Variants in ANKRD30B observed in about 807,000 individuals in gnomAD.
The protein encoded by ANKRD30B is ankyrin repeat domain-containing protein 30B.
Under a neutral mutation model 202.2 loss-of-function variants are expected in ANKRD30B, and 144 were observed. The observed-to-expected ratio is 0.71, with a 90% CI of 0.62 to 0.82. The LOEUF (loss-of-function observed/expected upper bound fraction) is 0.82. Among genes scored for constraint, ANKRD30B ranks in the 40% least tolerant of loss-of-function variants. ANKRD30B has a pLI of 0.00. For synonymous variants in ANKRD30B, 508 were observed against 561.3 expected (o/e 0.91, Z 1.34); for missense variants, 1,487 against 1,669.1 (o/e 0.89, Z 1.90).
intron 4 of ANKRD30B, among the ~76,000 whole-genome samples, chr18:14,755,860 A>T (rs1242006608): frequency 6.6e-6 from 1 of 152,156 alleles, no homozygotes; most frequent in Non-Finnish European, 1.5e-5. Context: ...GCCACAATAA[A>T]CATACGTGTG....
Position 14,850,255 on chromosome 18 carries a change from A to T in ANKRD30B, c.3437A>T (p.Asp1146Val). 6.3e-7 allele frequency: 1 copy of T among 1,587,392 alleles called. No homozygotes were observed. Among genetic ancestry groups the T allele is most frequent in the South Asian group, 1.2e-5 (1 of 85,996 alleles). Residue 1146 changes from aspartate (D) to valine (V), a missense_variant, in exon 41 of 44, where the codon GAT becomes GTT. Transcript: ENST00000690538. ...GAAGAAGAGAAGAGAAGAAATGTCG[A>T]TATATTAAAAGAAAAAATTAGACCC... ...NQEEEKRRNV[D>V]ILKEKIRPEE...
At chr18:14,784,436 GATC>G (rs750001724) in intron 13 of ANKRD30B, 24 bp from the exon 14 acceptor site, 1 of 1,612,556 alleles carries the variant, frequency 6.2e-7, no homozygotes, top group Non-Finnish European at 8.5e-7. Context: ...ATTCTTTATT[GATC>G]ATTTTTCTTC....
chr18:14,930,161 G>T, the ANKRD30B span, among the ~76,000 whole-genome samples: 4 of 152,186 alleles, frequency 2.6e-5, no homozygotes, highest in African/African-American at 9.6e-5. Flanking sequence ...ACACTGGCTC[G>T]CCAGGTGGGT....
At chr18:14,818,212 A>G (rs1422893994) in intron 30 of ANKRD30B, among the ~76,000 whole-genome samples, 3 of 152,200 alleles carry the variant, frequency 2.0e-5, no homozygotes, top group African/African-American at 4.8e-5. Context: ...CTCGCATTGT[A>G]TAACAAACAG....
chr18:14,756,484 C>G (rs889800881), intron 4 of ANKRD30B, among the ~76,000 whole-genome samples: 2 of 152,174 alleles, frequency 1.3e-5, no homozygotes, highest in African/African-American at 2.4e-5. Context: ...TTGCCCATGC[C>G]TATGTCCTGA....
the ANKRD30B span, among the ~76,000 whole-genome samples, chr18:14,863,517 C>A: frequency 6.6e-6 from 1 of 152,034 alleles, no homozygotes; most frequent in African/African-American, 2.4e-5. Flanking sequence ...CATGCTTCTA[C>A]TGCCTGCACA....
At chr18:14,842,607 T>A (rs544588923) in intron 37 of ANKRD30B, among the ~76,000 whole-genome samples, 21 of 152,396 alleles carry the variant, frequency 1.4e-4, no homozygotes, top group African/African-American at 4.8e-4. Flanking sequence ...ATCATTTCTC[T>A]TTTCATCACT....
the ANKRD30B span, among the ~76,000 whole-genome samples, chr18:14,866,360 C>A: frequency 6.6e-6 from 1 of 151,968 alleles, no homozygotes; most frequent in Non-Finnish European, 1.5e-5. Context: ...GGAGGGTGGC[C>A]TGAGTGGTAG....
chr18:14,815,657 G>A (rs1437221477), intron 30 of ANKRD30B, among the ~76,000 whole-genome samples: 1 of 152,234 alleles, frequency 6.6e-6, no homozygotes, highest in East Asian at 1.9e-4. Flanking sequence ...GAAGAAGAAA[G>A]AAAATTCTGA....
the ANKRD30B span, among the ~76,000 whole-genome samples, chr18:14,874,594 CA>C: frequency 0.015 from 2,240 of 146,468 alleles, 61 homozygotes; most frequent in African/African-American, 0.053. Flanking sequence ...ATTTTGAAGC[CA>C]AAAAAAAAAG....
intron 30 of ANKRD30B, among the ~76,000 whole-genome samples, chr18:14,817,594 C>T (rs1970183571): frequency 6.6e-6 from 1 of 152,154 alleles, no homozygotes; most frequent in Admixed American, 6.6e-5. Flanking sequence ...AAGGTCAAAG[C>T]CAGCTATTTT....
intron 16 of ANKRD30B, among the ~76,000 whole-genome samples, chr18:14,795,924 A>C (rs1295444204): frequency 1.3e-5 from 2 of 151,616 alleles, no homozygotes; most frequent in East Asian, 3.9e-4. Flanking sequence ...CCTATACGGC[A>C]GATTAATCTT....
chr18:14,892,147 A>T, the ANKRD30B span, among the ~76,000 whole-genome samples: 1 of 152,204 alleles, frequency 6.6e-6, no homozygotes, highest in Non-Finnish European at 1.5e-5. Flanking sequence ...TACTCCTGCC[A>T]TTCCTCCCTT....
the ANKRD30B span, among the ~76,000 whole-genome samples, chr18:14,908,715 G>C: frequency 7.7e-3 from 1,178 of 152,312 alleles, 12 homozygotes; most frequent in African/African-American, 0.027. Context: ...GATGCTGCCT[G>C]GCTGAGTGAC....
intron 15 of ANKRD30B, among the ~76,000 whole-genome samples, chr18:14,787,534 C>T (rs1007150163): frequency 1.3e-5 from 2 of 152,068 alleles, no homozygotes; most frequent in Non-Finnish European, 2.9e-5. Context: ...AAGTTAGTGC[C>T]TGGGACTTGA....
In ANKRD30B at chr18:14,794,550, C is replaced by A. The variant is rs566064305; in HGVS notation, c.1826-1671C>A. Reference sequence around the variant, plus strand: ...AGCAGATGAATTAATGGTATCATTTCCTATATATGAATTTCTGAGGTTTCT... The same window carrying A: ...AGCAGATGAATTAATGGTATCATTTACTATATATGAATTTCTGAGGTTTCT... On this transcript the variant is annotated intron_variant, in intron 16 of 43. Transcript: ENST00000690538. Among the ~76,000 whole-genome samples the A allele has an allele frequency of 2.6e-5, 4 of 152,170 alleles. 1 individual carries two copies. Among genetic ancestry groups the A allele is most frequent in the Admixed American group, 6.5e-5 (1 of 15,294 alleles).
At chr18:14,870,313 G>T in the ANKRD30B span, among the ~76,000 whole-genome samples, 1 of 152,216 alleles carries the variant, frequency 6.6e-6, no homozygotes, top group Non-Finnish European at 1.5e-5. Flanking sequence ...TGCCTCAAAT[G>T]GGTGGTGACG....
intron 34 of ANKRD30B, 109 bp downstream of exon 34, chr18:14,831,564 A>G (rs1331516859): frequency 1.5e-5 from 8 of 543,468 alleles, no homozygotes; most frequent in African/African-American, 2.0e-5. Flanking sequence ...CATGTTGGTA[A>G]TATAAAGTTG....
Position 14,791,479 on chromosome 18 carries a change from G to T in ANKRD30B, c.1813G>T (p.Gly605Ter), listed in dbSNP as rs879061658. ...TCAAAAAGAATTCGATACCTTAAGT[G>T]GAAAATTAGAAGGTAAGAACCATTT... ...THQKEFDTLS[G>*]KLEESPVKDG... The change falls in exon 16 of 44, where the codon GGA (glycine) becomes TGA (stop). Residue 605 changes from glycine (G) to a stop codon, truncating the protein, a stop_gained. Transcript: ENST00000690538. LOFTEE classifies it high-confidence loss of function. 6.2e-7 allele frequency: 1 copy of T among 1,607,652 alleles called. No individual in the cohort carries two copies. Among genetic ancestry groups the T allele is most frequent in the East Asian group, 2.2e-5 (1 of 44,652 alleles).
Sources: allele counts gnomAD v4.1 joint callset (sites outside exome capture counted in the v4.1 genomes callset), GRCh38; gene constraint gnomAD v4.1.1; transcripts MANE v1.5; gene names NCBI Gene and HGNC (gene_info 2026-07-23, HGNC 2026-07-21).